The following VPS52 variants were observed in gnomAD, a reference collection of about 807,000 sequenced individuals.
VPS52 encodes the protein VPS52 subunit of GARP complex, also known as vacuolar protein sorting-associated protein 52 homolog.
In VPS52, 56 loss-of-function variants were observed where a neutral mutation model predicts 98.7. That is an observed-to-expected ratio of 0.57 (90% confidence interval 0.46 to 0.71). VPS52 has a LOEUF of 0.71. Ranked by LOEUF, VPS52 falls within the 30% of genes least tolerant of loss-of-function variation. VPS52 has a pLI of 0.00. For missense variants in VPS52, 742 were observed against 925.9 expected (o/e 0.80, Z 2.58); for synonymous variants, 348 against 346.4 (o/e 1.00, Z -0.05).
chr6:33,264,138 T>A (rs1468845184), intron 14 of VPS52, 35 bp from the exon 15 acceptor site: 26 of 1,609,338 alleles, frequency 1.6e-5, no homozygotes, highest in Non-Finnish European at 2.0e-5. Flanking sequence ...CACACCCACC[T>A]CCTGGCCCAA....
At chr6:33,262,767 G>A (rs138090138) in intron 17 of VPS52, among the ~76,000 whole-genome samples, 8 of 152,144 alleles carry the variant, frequency 5.3e-5, no homozygotes, top group African/African-American at 1.7e-4. Context: ...AATAAGCCAG[G>A]CACAGAAAGA....
intron 1 of VPS52, chr6:33,271,129 G>A (rs1197648691): frequency 2.2e-6 from 1 of 456,820 alleles, no homozygotes; most frequent in East Asian, 3.9e-5. Flanking sequence ...AAAACACATA[G>A]TGTTTACCTG....
chr6:33,268,983 G>C lies in VPS52; in HGVS notation c.548+31C>G, dbSNP rs1764669477. 1 of 1,609,358 alleles carries C rather than the reference G, an allele frequency of 6.2e-7. No homozygotes were observed. ...CACCCCAGCCCATCCACCTGCTATG[G>C]ACATTATAACCCTTCAAACTGGTAA... On this transcript the variant is annotated intron_variant, in intron 6 of 19. Transcript: ENST00000445902. This position sits in a 1 kb window ranked among gnomAD's most constrained non-coding sequence, Gnocchi z 4.0.
chr6:33,266,806 A>C (rs1764377912), intron 11 of VPS52, 94 bp from the exon 12 acceptor site: 1 of 1,480,666 alleles, frequency 6.8e-7, no homozygotes, highest in Admixed American at 2.1e-5. Context: ...AACCTGAGTA[A>C]TAAGAGCTAG....
Position 33,269,835 on chromosome 6 carries a change from G to A in VPS52, c.229-16C>T. On this transcript the variant is annotated splice_polypyrimidine_tract_variant and intron_variant, in intron 3 of 19. Coordinates refer to ENST00000445902, the MANE Select transcript of VPS52 (RefSeq NM_022553.6). ...GATCTACACCCTGGGAGAACATAAA[G>A]ATGACAGGTCAGAAGGAAGTCTCAG... is the stretch of plus-strand genomic sequence containing the variant. 6.2e-7 allele frequency: 1 copy of A among 1,612,526 alleles called. No individual in the cohort carries two copies. Among genetic ancestry groups the A allele is most frequent in the Non-Finnish European group, 8.5e-7 (1 of 1,178,858 alleles).
At chr6:33,265,159 G>T (rs373666039) in intron 12 of VPS52, among the ~76,000 whole-genome samples, 1 of 151,786 alleles carries the variant, frequency 6.6e-6, no homozygotes, top group African/African-American at 2.4e-5. Context: ...TGCAACCTCC[G>T]CCTGCCTCCC....
intron 12 of VPS52, among the ~76,000 whole-genome samples, chr6:33,265,542 T>C (rs552100077): frequency 6.6e-6 from 1 of 152,286 alleles, no homozygotes; most frequent in South Asian, 2.1e-4. Flanking sequence ...AAGTTTATTT[T>C]TAAATTTTTT....
intron 17 of VPS52, among the ~76,000 whole-genome samples, chr6:33,262,569 C>T (rs1447002654): frequency 6.6e-6 from 1 of 152,188 alleles, no homozygotes; most frequent in Non-Finnish European, 1.5e-5. Context: ...TATTTGCACT[C>T]CCATGTTTGT....
intron 15 of VPS52, 45 bp from the exon 16 acceptor site, chr6:33,263,924 T>A: frequency 6.2e-7 from 1 of 1,613,798 alleles, no homozygotes; most frequent in East Asian, 2.2e-5. Flanking sequence ...AGCAAGGTCA[T>A]CTGGGCCCCA....
intron 17 of VPS52, among the ~76,000 whole-genome samples, chr6:33,262,040 C>CAAAAAAAAAAAAAA (rs9257102): frequency 2.0e-4 from 3 of 15,378 alleles, no homozygotes; most frequent in African/African-American, 2.3e-4. Context: ...AACTCCATCT[C>CAAAAAAAAAAAAAA]AAAAAAAAAA....
chr6:33,267,326 G>C lies in VPS52; in HGVS notation c.992-5C>G. ...GCGATGGCTTTGAGAAGAATCGTAA[G>C]ATGGGTCAGAGTCAGGGAAAACAAT... On this transcript the variant is annotated splice_polypyrimidine_tract_variant and splice_region_variant and intron_variant, in intron 10 of 19. Coordinates refer to ENST00000445902, the MANE Select transcript of VPS52 (RefSeq NM_022553.6). The surrounding 1 kb of genome is among the most constrained non-coding windows in gnomAD (Gnocchi z 4.2). 1 of 1,574,968 alleles carries C rather than the reference G, an allele frequency of 6.3e-7. No homozygotes were observed. The highest frequency in any genetic ancestry group is 2.3e-5 in the East Asian group (1 of 44,264).
chr6:33,251,976 A>G lies in VPS52; in HGVS notation c.1795-5T>C, dbSNP rs1421909045. ...CAGCAACTCTTCAATGAATTCCTGGAAAGACACAAACACATATACACAGGT... is the reference window on the plus strand; with the variant it reads ...CAGCAACTCTTCAATGAATTCCTGGGAAGACACAAACACATATACACAGGT... On this transcript the variant is annotated splice_region_variant and splice_polypyrimidine_tract_variant and intron_variant, in intron 17 of 19. Transcript: ENST00000445902. 1 of 1,612,350 alleles carries G rather than the reference A, an allele frequency of 6.2e-7. No individual in the cohort carries two copies. Among genetic ancestry groups the G allele is most frequent in the Admixed American group, 1.7e-5 (1 of 60,008 alleles).
chr6:33,252,522 G>A (rs1309283156), intron 17 of VPS52, among the ~76,000 whole-genome samples: 1 of 150,582 alleles, frequency 6.6e-6, no homozygotes, highest in African/African-American at 2.5e-5. Context: ...TTGGGAGGCG[G>A]AGGTTGCAGT....
At chr6:33,269,398 C>T (rs1764724348) in intron 5 of VPS52, 92 bp downstream of exon 5, 2 of 1,540,640 alleles carry the variant, frequency 1.3e-6, no homozygotes, top group African/African-American at 2.7e-5. Context: ...CCTAACCTGT[C>T]CCCATCTTGA....
At chr6:33,269,299 A>T (rs761866943) in intron 5 of VPS52, 110 bp from the exon 6 acceptor site, 46 of 1,475,624 alleles carry the variant, frequency 3.1e-5, no homozygotes, top group Non-Finnish European at 4.1e-5. Flanking sequence ...TGAGGGTGGC[A>T]GATGATGAGA....
chr6:33,258,092 A>G (rs1484071545), intron 17 of VPS52, among the ~76,000 whole-genome samples: 1 of 152,078 alleles, frequency 6.6e-6, no homozygotes, highest in Non-Finnish European at 1.5e-5. Flanking sequence ...AAAAAGCAAC[A>G]TTAAAAAAAC....
intron 17 of VPS52, among the ~76,000 whole-genome samples, chr6:33,261,233 C>A (rs457105): frequency 0.56 from 85,246 of 151,612 alleles, 24,302 homozygotes; most frequent in East Asian, 0.72. Context: ...TTGGGAGGCC[C>A]AGGTGGGAGG....
rs527325440 is a variant in VPS52, at chr6:33,271,817, T to C, written c.-142A>G. On this transcript the variant is annotated 5_prime_UTR_variant, in exon 1 of 20. Coordinates refer to ENST00000445902, the MANE Select transcript of VPS52 (RefSeq NM_022553.6). ...AGTTGTTTGACTCCAGCTGTCCCCT[T>C]TCAGCTCTAACCACTTCACCCAACT... 2 of 1,443,992 alleles carry C rather than the reference T, an allele frequency of 1.4e-6. No homozygotes were observed. Among genetic ancestry groups the C allele is most frequent in the East Asian group, 2.5e-5 (1 of 40,196 alleles). The allele number at this position is 1,443,992 out of a possible 1,614,324, so 89.4% of individuals were successfully genotyped here.
chr6:33,252,280 T>C (rs1762363234), intron 17 of VPS52, among the ~76,000 whole-genome samples: 1 of 152,164 alleles, frequency 6.6e-6, no homozygotes, highest in Non-Finnish European at 1.5e-5. Flanking sequence ...GCAGTTGTAC[T>C]GTGTGCAATG....
Sources: gnomAD v4.1 joint callset for allele counts (sites outside exome capture counted in the v4.1 genomes callset) on GRCh38, gnomAD v4.1.1 for gene constraint, Gnocchi (gnomAD v3.1) non-coding constraint, MANE v1.5 for transcripts, NCBI Gene and HGNC (gene_info 2026-07-23, HGNC 2026-07-21) for gene names.